RBMS3: variants seen among roughly 807,000 people sequenced by gnomAD.
RBMS3 encodes the protein RNA-binding motif, single-stranded-interacting protein 3.
Under a neutral mutation model 66.8 loss-of-function variants are expected in RBMS3, and 27 were observed. The observed-to-expected ratio is 0.40, with a 90% CI of 0.30 to 0.56. The LOEUF (loss-of-function observed/expected upper bound fraction) is 0.56, where lower values mean the gene tolerates loss of function less well. RBMS3 is among the 20% of genes least tolerant of loss of function. The pLI, the probability that RBMS3 is intolerant of heterozygous loss-of-function variation, is 0.40. For missense variants in RBMS3, 513 were observed against 549.5 expected (o/e 0.93, Z 0.66); for synonymous variants, 188 against 183.0 (o/e 1.03, Z -0.22).
chr3:29,914,313 T>C (rs1389241049), intron 10 of RBMS3, among the ~76,000 whole-genome samples: 1 of 151,796 alleles, frequency 6.6e-6, no homozygotes, highest in Non-Finnish European at 1.5e-5. Context: ...GATATATAGT[T>C]CCTTTTGGGC....
At chr3:29,393,043 A>T (rs2039379292) in intron 1 of RBMS3, among the ~76,000 whole-genome samples, 2 of 152,204 alleles carry the variant, frequency 1.3e-5, no homozygotes, top group Non-Finnish European at 2.9e-5. Context: ...GATTGCTTTA[A>T]CAATGAGTAA....
chr3:29,889,019 T>A (rs2059938321), intron 8 of RBMS3, among the ~76,000 whole-genome samples: 1 of 151,502 alleles, frequency 6.6e-6, no homozygotes, highest in African/African-American at 2.4e-5. Flanking sequence ...ACTACAGAAA[T>A]CACCTACCTA....
intron 12 of RBMS3, among the ~76,000 whole-genome samples, chr3:29,985,010 C>A (rs1460954039): frequency 6.6e-6 from 1 of 152,216 alleles, no homozygotes; most frequent in Non-Finnish European, 1.5e-5. Flanking sequence ...CCACTCATAC[C>A]CACAGGTGCT....
rs561131224 is a variant in RBMS3 at position 29,633,514 on chromosome 3, C to A, written c.399+46309C>A. 8.8e-4 allele frequency among the ~76,000 whole-genome samples: 134 copies of A among 151,732 alleles called. 1 individual carries two copies. The highest frequency in any genetic ancestry group is 9.0e-4 in the Non-Finnish European group (61 of 67,842). ...TGCAAGTTTACTGCTATCTTGGGGACCTGGATCTCACCTACCTATTTATCC... is the reference window on the plus strand; with the variant it reads ...TGCAAGTTTACTGCTATCTTGGGGAACTGGATCTCACCTACCTATTTATCC... On this transcript the variant is annotated intron_variant, in intron 4 of 14. Coordinates refer to ENST00000383767, the MANE Select transcript of RBMS3 (RefSeq NM_001003793.3).
Position 29,868,886 on chromosome 3 carries a change from C to T in RBMS3, c.666C>T (p.Phe222=), listed in dbSNP as rs1056122586. The change falls in exon 7 of 15, where the codon TTC becomes TTT. Residue 222 remains phenylalanine, a synonymous_variant. Transcript: ENST00000383767. ...PAPSEPLLCK[F]ADGGQKKRQN... The stretch of plus-strand genomic sequence containing the variant: ...CCAGTGAGCCTTTGCTGTGCAAATT[C>T]GCTGATGGAGGACAAAAGAAGCGAC... 42 of 1,602,128 alleles carry T rather than the reference C, an allele frequency of 2.6e-5. No homozygotes were observed. The highest frequency in any genetic ancestry group is 1.7e-4 in the Middle Eastern group (1 of 6,046).
chr3:29,813,676 T>C (rs545563573), intron 6 of RBMS3, among the ~76,000 whole-genome samples: 1 of 152,326 alleles, frequency 6.6e-6, no homozygotes, highest in African/African-American at 2.4e-5. Flanking sequence ...TTTGTAGTTC[T>C]CCTTGAAGAG....
intron 2 of RBMS3, among the ~76,000 whole-genome samples, chr3:29,454,315 G>A (rs2042110992): frequency 6.6e-6 from 1 of 152,168 alleles, no homozygotes; most frequent in African/African-American, 2.4e-5. Context: ...GGGTGGGAGT[G>A]AGGAGAAGGG....
chr3:29,930,914 T>C (rs995242758), intron 10 of RBMS3, among the ~76,000 whole-genome samples: 11 of 152,134 alleles, frequency 7.2e-5, no homozygotes, highest in Non-Finnish European at 1.5e-4. Context: ...AATTTTGTAA[T>C]GATCCATTTT....
chr3:29,900,914 C>T (rs769114888), intron 10 of RBMS3, among the ~76,000 whole-genome samples: 4 of 151,686 alleles, frequency 2.6e-5, no homozygotes, highest in Admixed American at 6.6e-5. Context: ...CATCCATTTC[C>T]TGAACTCAGA....
At chr3:29,543,295 A>G (rs1440788219) in intron 3 of RBMS3, among the ~76,000 whole-genome samples, 2 of 152,256 alleles carry the variant, frequency 1.3e-5, no homozygotes, top group Non-Finnish European at 2.9e-5. Context: ...AAAAAGGCCA[A>G]TAAAACCACA....
intron 4 of RBMS3, among the ~76,000 whole-genome samples, chr3:29,711,876 A>G (rs2053185818): frequency 6.6e-6 from 1 of 152,234 alleles, no homozygotes. Context: ...TTATTTACCA[A>G]TATGAAAGTG....
At chr3:29,472,503 T>G (rs2042768669) in intron 2 of RBMS3, among the ~76,000 whole-genome samples, 1 of 152,120 alleles carries the variant, frequency 6.6e-6, no homozygotes, top group Non-Finnish European at 1.5e-5. Flanking sequence ...CTCACTGACT[T>G]CGAATGAAGC....
intron 6 of RBMS3, among the ~76,000 whole-genome samples, chr3:29,807,078 T>G (rs1459930187): frequency 6.6e-6 from 1 of 151,850 alleles, no homozygotes; most frequent in Non-Finnish European, 1.5e-5. Context: ...AATAGACAAT[T>G]AAGCAGGAAA....
intron 9 of RBMS3, among the ~76,000 whole-genome samples, chr3:29,898,712 G>A (rs1221376043): frequency 2.7e-5 from 4 of 150,362 alleles, no homozygotes; most frequent in African/African-American, 7.4e-5. Context: ...TGTTCTTCCT[G>A]CAGGCCTGCC....
intron 2 of RBMS3, among the ~76,000 whole-genome samples, chr3:29,485,764 C>T (rs2043296612): frequency 6.6e-6 from 1 of 152,140 alleles, no homozygotes; most frequent in African/African-American, 2.4e-5. Flanking sequence ...TCAGGAGGCA[C>T]ATGGGACTTG....
chr3:30,008,424 C>T lies in RBMS3; in HGVS notation c.*4562C>T, dbSNP rs1169986084. 3 of 152,006 alleles carry T rather than the reference C, an allele frequency of 2.0e-5. No homozygotes were observed. The highest frequency in any genetic ancestry group is 4.4e-5 in the Non-Finnish European group (3 of 67,948). 9.4% of individuals were successfully genotyped at this position (152,006 alleles called of 1,614,324 possible). A position where few individuals can be genotyped will look rare whatever the true frequency, so the allele number is the denominator to read the frequency against. On this transcript the variant is annotated 3_prime_UTR_variant, in exon 15 of 15. Transcript: ENST00000383767. ...GGACAATGTTTATGTACGTGTATAA[C>T]AACATTCAGCACATTTGAGGAATCA...
At chr3:29,589,788 T>G (rs981253626) in intron 4 of RBMS3, among the ~76,000 whole-genome samples, 1 of 152,110 alleles carries the variant, frequency 6.6e-6, no homozygotes, top group Admixed American at 6.6e-5. Context: ...CTTGCATCCT[T>G]GTTCTTATCA....
At chr3:29,925,208 A>G (rs548991511) in intron 10 of RBMS3, 1 of 152,292 alleles carries the variant, frequency 6.6e-6, no homozygotes, top group African/African-American at 2.4e-5. Context: ...AAGCGGGAAT[A>G]TTTTGGAATT....
At chr3:29,974,691 G>A (rs1455695633) in intron 12 of RBMS3, among the ~76,000 whole-genome samples, 4 of 150,966 alleles carry the variant, frequency 2.6e-5, no homozygotes, top group East Asian at 3.9e-4. Context: ...ATAATACAGT[G>A]TAAAACCTTT....
Sources: gnomAD v4.1 joint callset for allele counts (sites outside exome capture counted in the v4.1 genomes callset) on GRCh38, gnomAD v4.1.1 for gene constraint, MANE v1.5 for transcripts, NCBI Gene and HGNC (gene_info 2026-07-23, HGNC 2026-07-21) for gene names.